DMD: variants seen among roughly 807,000 people sequenced by gnomAD.
The protein encoded by DMD is dystrophin.
Under a neutral mutation model 330.1 loss-of-function variants are expected in DMD, and 63 were observed. That is an observed-to-expected ratio of 0.19 (90% CI 0.16 to 0.24). The LOEUF (loss-of-function observed/expected upper bound fraction) is 0.24. Ranked by LOEUF, DMD falls within the 10% of genes least tolerant of loss-of-function variation. The pLI is 1.00. For missense variants in DMD, 3,344 were observed against 2,684.1 expected, an observed-to-expected ratio of 1.25 and a Z score of -5.43; for synonymous variants, 1,223 against 959.8, an observed-to-expected ratio of 1.27 and a Z score of -5.07.
intron 74 of DMD, among the ~76,000 whole-genome samples, chrX:31,162,980 T>G (rs1253362481): frequency 1.8e-5 from 2 of 112,061 alleles, no homozygotes; most frequent in East Asian, 5.6e-4. Flanking sequence ...GACCCCATTC[T>G]TACACAGCTT....
At chrX:31,176,312 A>AT (rs1039220379) in intron 71 of DMD, among the ~76,000 whole-genome samples, 1 of 111,744 alleles carries the variant, frequency 8.9e-6, no homozygotes, top group African/African-American at 3.2e-5. Flanking sequence ...GTTAGAAAAT[A>AT]TTTTTAAATA....
At chrX:31,603,524 G>T (rs1262131792) in intron 55 of DMD, among the ~76,000 whole-genome samples, 1 of 111,549 alleles carries the variant, frequency 9.0e-6, no homozygotes, top group Non-Finnish European at 1.9e-5. Context: ...AACCCACTAG[G>T]TCGTATTTCC....
chrX:32,494,196 CTA>C (rs907242228), intron 19 of DMD, among the ~76,000 whole-genome samples: 20 of 111,366 alleles, frequency 1.8e-4, no homozygotes, highest in African/African-American at 5.2e-4. Flanking sequence ...ACACAAAACT[CTA>C]TGTTTTGCCC....
intron 48 of DMD, among the ~76,000 whole-genome samples, chrX:31,868,842 G>T (rs1430397639): frequency 4.5e-5 from 5 of 111,646 alleles, no homozygotes; most frequent in African/African-American, 1.6e-4. Context: ...CAAATCTGAG[G>T]TTTCATATTT....
rs985995506 is a variant in DMD, at chrX:32,697,650, A to G, written c.960+220T>C. Among the ~76,000 whole-genome samples the G allele has an allele frequency of 3.6e-5, 4 of 111,877 alleles. No individual in the cohort carries two copies. In the East Asian group the frequency reaches 1.1e-3, roughly 31 times the overall value. On this transcript the variant is annotated intron_variant, in intron 9 of 78. Transcript: ENST00000357033. ...TTACATAATGAAAGTAGAAACCATT[A>G]CGGGAATTCATATTTATGAAGAATC... is the stretch of plus-strand genomic sequence containing the variant.
chrX:32,247,594 C>A (rs990294728), intron 43 of DMD, among the ~76,000 whole-genome samples: 3 of 111,428 alleles, frequency 2.7e-5, no homozygotes, highest in South Asian at 3.7e-4. Context: ...TTCTCCTAAA[C>A]TTTCCATTAT....
intron 43 of DMD, among the ~76,000 whole-genome samples, chrX:32,227,264 CATATATATATAT>C (rs57305198): frequency 0.058 from 2,081 of 35,793 alleles, 68 homozygotes; most frequent in South Asian, 0.1. Context: ...TAAGTCTAAG[CATATATATATAT>C]ATATATATAT....
intron 77 of DMD, 69 bp downstream of exon 77, chrX:31,134,033 C>T: frequency 2.1e-6 from 2 of 960,154 alleles, no homozygotes; most frequent in South Asian, 3.9e-5. Context: ...AATACACACA[C>T]CAGTTGGGTA....
At chrX:32,601,396 G>A (rs898326092) in intron 12 of DMD, among the ~76,000 whole-genome samples, 4 of 111,480 alleles carry the variant, frequency 3.6e-5, no homozygotes, top group Non-Finnish European at 7.5e-5. Context: ...TGTTAGAAAT[G>A]AATGTTTATG....
intron 30 of DMD, among the ~76,000 whole-genome samples, chrX:32,392,423 T>A (rs1161155919): frequency 9.0e-6 from 1 of 110,918 alleles, no homozygotes; most frequent in Non-Finnish European, 1.9e-5. Context: ...CATGCTCAGC[T>A]AATTTTTATA....
chrX:31,141,977 C>T (rs1374467687), intron 76 of DMD, among the ~76,000 whole-genome samples: 3 of 111,314 alleles, frequency 2.7e-5, no homozygotes, highest in Admixed American at 1.9e-4. Flanking sequence ...CACTTGGATA[C>T]AAGCAGACAA....
At chrX:32,158,838 C>T (rs2096839308) in intron 44 of DMD, among the ~76,000 whole-genome samples, 2 of 111,923 alleles carry the variant, frequency 1.8e-5, no homozygotes, top group South Asian at 7.5e-4. Flanking sequence ...AGCTGGCTGT[C>T]GACATTAACA....
intron 60 of DMD, among the ~76,000 whole-genome samples, chrX:31,383,895 C>T (rs754313092): frequency 1.1e-4 from 12 of 111,664 alleles, no homozygotes; most frequent in African/African-American, 2.3e-4. Context: ...ATAAAATCCC[C>T]CGCATTTACC....
intron 59 of DMD, among the ~76,000 whole-genome samples, chrX:31,468,803 T>C (rs1270507303): frequency 1.8e-5 from 2 of 111,755 alleles, no homozygotes; most frequent in Admixed American, 9.5e-5. Flanking sequence ...CATCTATGTC[T>C]CTTTGTAGGT....
At chrX:32,904,956 A>G (rs1305302755) in intron 2 of DMD, among the ~76,000 whole-genome samples, 1 of 112,256 alleles carries the variant, frequency 8.9e-6, no homozygotes, top group Non-Finnish European at 1.9e-5. Context: ...TAAGAAAAAT[A>G]AAAGAAAGAG....
chrX:33,180,776 A>C (rs1298223669), intron 1 of DMD, among the ~76,000 whole-genome samples: 3 of 109,844 alleles, frequency 2.7e-5, no homozygotes, highest in Non-Finnish European at 5.7e-5. Flanking sequence ...TTCTATTGGA[A>C]TTGAGGTACA....
chrX:32,428,001 T>C (rs913691017), intron 29 of DMD, among the ~76,000 whole-genome samples: 1 of 111,720 alleles, frequency 9.0e-6, no homozygotes, highest in Admixed American at 9.5e-5. Context: ...CCCTCTCAGT[T>C]GATTTGTCTA....
At chrX:31,266,290 A>C (rs1392927589) in intron 62 of DMD, among the ~76,000 whole-genome samples, 1 of 108,861 alleles carries the variant, frequency 9.2e-6, no homozygotes, top group Non-Finnish European at 1.9e-5. Flanking sequence ...TGGAATGAGC[A>C]CGGTAGAAAA....
chrX:31,192,950 G>A (rs1164131960), intron 67 of DMD, among the ~76,000 whole-genome samples: 2 of 111,500 alleles, frequency 1.8e-5, no homozygotes, highest in African/African-American at 6.5e-5. Context: ...CCGATAACAT[G>A]GCTGCGAGAG....
Sources: gnomAD v4.1 joint callset for allele counts (sites outside exome capture counted in the v4.1 genomes callset) on GRCh38, gnomAD v4.1.1 for gene constraint, MANE v1.5 for transcripts, NCBI Gene and HGNC (gene_info 2026-07-23, HGNC 2026-07-21) for gene names.